Variants in TNC observed in about 807,000 individuals in gnomAD.
TNC encodes the protein tenascin.
A neutral mutation model predicts 202.4 loss-of-function variants in TNC; 109 were observed. The ratio of observed to expected loss-of-function variants is 0.54; its 90% CI spans 0.46 to 0.63. TNC has a LOEUF of 0.63. TNC is among the 30% of genes least tolerant of loss of function. TNC has a pLI of 0.00. For synonymous variants in TNC, 1,007 were observed against 1,089.7 expected (o/e 0.92, Z 1.50); for missense variants, 2,756 against 2,833.3 (o/e 0.97, Z 0.62).
intron 1 of TNC, among the ~76,000 whole-genome samples, chr9:115,100,974 G>A (rs1268381516): frequency 1.3e-5 from 2 of 152,142 alleles, no homozygotes; most frequent in African/African-American, 4.8e-5. Flanking sequence ...GATCTCCAGA[G>A]AGAAATATCA....
chr9:115,098,459 A>ATCAT (rs1239163997), intron 1 of TNC, among the ~76,000 whole-genome samples: 9 of 152,244 alleles, frequency 5.9e-5, no homozygotes, highest in African/African-American at 2.2e-4. Context: ...CAGGACAAAG[A>ATCAT]TCATTGCTAG....
rs1183798456 is a variant in TNC, at chr9:115,086,176, C to T, written c.1555G>A (p.Glu519Lys). 6.2e-7 allele frequency: 1 copy of T among 1,614,008 alleles called. No homozygotes were observed. Among genetic ancestry groups the T allele is most frequent in the South Asian group, 1.1e-5 (1 of 91,094 alleles). The change falls in exon 3 of 28, where the codon GAG becomes AAG. Residue 519 changes from glutamate to lysine, a missense_variant. By Grantham distance (56) the Glu-to-Lys change is moderately conservative. This residue lies in a region of TNC where 2,559 missense variants were observed against 2,546.0 expected (regional missense o/e 1.01). Transcript: ENST00000350763. ...CAGTCAGGGCCGGTGAAGCCGTCCT[C>T]ACAGACGCACTGTCCGTCCACACAG... Reference protein sequence around the residue: ...GLCVDGQCVCEDGFTGPDCAE... With the variant: ...GLCVDGQCVCKDGFTGPDCAE...
At chr9:115,046,759 G>T in intron 16 of TNC, 77 bp from the exon 17 acceptor site, 1 of 1,543,704 alleles carries the variant, frequency 6.5e-7, no homozygotes, top group Non-Finnish European at 8.8e-7. Context: ...CTCTCCAGTA[G>T]GGGTATCAAT....
rs769483276 is a variant in TNC, at chr9:115,090,590, T to A, written c.429A>T (p.Gly143=). 1.1e-5 allele frequency: 18 copies of A among 1,586,964 alleles called. No homozygotes were observed. Among genetic ancestry groups the A allele is most frequent in the Non-Finnish European group, 1.5e-5 (17 of 1,165,362 alleles). Reference sequence around the variant, plus strand: ...TGGCAGGCTGGAGACAGCAGCCTGCTCCTGCAGTACATTGCTCCCTCAGGG... The same window carrying A: ...TGGCAGGCTGGAGACAGCAGCCTGCACCTGCAGTACATTGCTCCCTCAGGG... The part of the protein sequence containing the change: ...VSSLREQCTA[G]AGCCLQPATG... The change falls in exon 2 of 28, where the codon GGA becomes GGT. Residue 143 remains glycine (G), a synonymous_variant. Coordinates refer to ENST00000350763, the MANE Select transcript of TNC (RefSeq NM_002160.4).
At chr9:115,106,926 T>A (rs1836660674) in intron 1 of TNC, among the ~76,000 whole-genome samples, 1 of 152,126 alleles carries the variant, frequency 6.6e-6, no homozygotes, top group Non-Finnish European at 1.5e-5. Context: ...GGCAGGAAAT[T>A]CAAGAAATTA....
intron 26 of TNC, among the ~76,000 whole-genome samples, chr9:115,024,597 C>G (rs1463328238): frequency 6.6e-6 from 1 of 152,156 alleles, no homozygotes; most frequent in East Asian, 1.9e-4. Context: ...CATTCCCTTT[C>G]TATAAAGACC....
Position 115,048,453 on chromosome 9 carries a change from C to G in TNC, c.4659G>C (p.Glu1553Asp). Residue 1553 changes from glutamate to aspartate, a missense_variant, in exon 16 of 28, where the codon GAG (glutamate) becomes GAC (aspartate). By Grantham distance (45) the Glu-to-Asp change is conservative. Coordinates refer to ENST00000350763, the MANE Select transcript of TNC (RefSeq NM_002160.4). ...TTACTAGAAAGCTGTCAAAGGCATT[C>G]TCCGATGCCATCCAGGAAACTGTGA... ...YGFTVSWMAS[E>D]NAFDSFLVTV... 1 of 1,614,016 alleles carries G rather than the reference C, an allele frequency of 6.2e-7. No individual in the cohort carries two copies. The highest frequency in any genetic ancestry group is 1.1e-5 in the South Asian group (1 of 91,074).
intron 20 of TNC, 77 bp downstream of exon 20, chr9:115,038,184 G>C: frequency 1.3e-6 from 2 of 1,543,922 alleles, no homozygotes; most frequent in Admixed American, 3.6e-5. Context: ...AATGTGGCAG[G>C]GAGAAGAGCG....
intron 1 of TNC, among the ~76,000 whole-genome samples, chr9:115,091,759 T>C (rs1277112498): frequency 1.3e-5 from 2 of 152,238 alleles, no homozygotes; most frequent in African/African-American, 4.8e-5. Flanking sequence ...ACAGTTTTAA[T>C]CCCAGCCGAG....
intron 16 of TNC, among the ~76,000 whole-genome samples, chr9:115,047,188 C>CT (rs1831261084): frequency 7.0e-6 from 1 of 142,832 alleles, no homozygotes; most frequent in Non-Finnish European, 1.5e-5. Context: ...ATGTTATGGT[C>CT]TTTTTGCTTT....
At chr9:115,029,607 C>A (rs567322541) in intron 24 of TNC, 151 bp from the exon 25 acceptor site, 8 of 714,358 alleles carry the variant, frequency 1.1e-5, no homozygotes, top group Non-Finnish European at 1.9e-5. Context: ...TGGTCACCTG[C>A]CCCTCCTTAA....
Position 115,026,568 on chromosome 9 carries a change from G to C in TNC, c.6297C>G (p.Tyr2099Ter). The C allele has an allele frequency of 6.2e-7, 1 of 1,614,034 alleles. No individual in the cohort carries two copies. The highest frequency in any genetic ancestry group is 8.5e-7 in the Non-Finnish European group (1 of 1,179,972). ...KFSVGDAKTR[Y>*]KLKVEGYSGT... ...CACTGTACCCCTCCACCTTCAGCTT[G>C]TAGCGAGTCTTGGCATCTCCCACGC... Residue 2099 changes from tyrosine to a stop codon, truncating the protein, a stop_gained, in exon 26 of 28, where the codon TAC (tyrosine) becomes TAG (stop). Transcript: ENST00000350763. LOFTEE classifies it high-confidence loss of function.
rs144265701 is a variant in TNC, at chr9:115,061,830, C to T, written c.4033+1087G>A. The stretch of plus-strand genomic sequence containing the variant: ...GCACAGTTTTTTATAACAGATGGAG[C>T]AGCTCATTTTTGGTGGAAAATTGAG... On this transcript the variant is annotated intron_variant, in intron 13 of 27. Transcript: ENST00000350763. Among the ~76,000 whole-genome samples, 1,296 of 152,224 alleles carry T rather than the reference C, an allele frequency of 8.5e-3. 41 individuals are homozygous for T. Among genetic ancestry groups the T allele is most frequent in the South Asian group, 0.04 (192 of 4,816 alleles).
At chr9:115,069,774 C>CCCTTCCTTCCTT (rs1564467746) in intron 10 of TNC, among the ~76,000 whole-genome samples, 11 of 8,336 alleles carry the variant, frequency 1.3e-3, no homozygotes, top group African/African-American at 4.8e-3. Context: ...CTCCCTCCCT[C>CCCTTCCTTCCTT]CCTTCCTTCC....
chr9:115,048,158 A>C, intron 16 of TNC, 102 bp downstream of exon 16: 1 of 1,380,666 alleles, frequency 7.2e-7, no homozygotes, highest in Non-Finnish European at 9.9e-7. Flanking sequence ...TGGATTAAGT[A>C]GGGAATGTGA....
chr9:115,043,787 C>T (rs1467828553), intron 17 of TNC, among the ~76,000 whole-genome samples: 4 of 152,194 alleles, frequency 2.6e-5, no homozygotes, highest in African/African-American at 7.2e-5. Context: ...AACTCAGGCA[C>T]TGAGGACTTC....
Position 115,086,471 on chromosome 9 carries a change from A to G in TNC, c.1260T>C (p.Asn420=). The change falls in exon 3 of 28, where the codon AAT becomes AAC. Residue 420 remains asparagine, a synonymous_variant. Coordinates refer to ENST00000350763, the MANE Select transcript of TNC (RefSeq NM_002160.4). Reference sequence around the variant, plus strand: ...AGCCCTCATCACACACACACTGCCCATTGACACAGCGGCCATGGCCACTGC... The same window carrying G: ...AGCCCTCATCACACACACACTGCCCGTTGACACAGCGGCCATGGCCACTGC... ...NGCSGHGRCV[N]GQCVCDEGYT... is the part of the protein sequence containing the mutation. The G allele has an allele frequency of 1.2e-6, 2 of 1,612,492 alleles. No homozygotes were observed.
intron 1 of TNC, among the ~76,000 whole-genome samples, chr9:115,093,412 G>A (rs1470234565): frequency 6.6e-6 from 1 of 152,158 alleles, no homozygotes; most frequent in Non-Finnish European, 1.5e-5. Context: ...CTAACAATGT[G>A]TGGGTCTGTA....
At chr9:115,046,971 C>T (rs780378256) in intron 16 of TNC, among the ~76,000 whole-genome samples, 3 of 152,156 alleles carry the variant, frequency 2.0e-5, no homozygotes, top group South Asian at 2.1e-4. Flanking sequence ...AGCATTGGCC[C>T]GTCCCACATA....
Sources: gnomAD v4.1 joint callset for allele counts (sites outside exome capture counted in the v4.1 genomes callset) on GRCh38, gnomAD v4.1.1 for gene constraint, gnomAD v4.1.1 regional missense constraint, MANE v1.5 for transcripts, NCBI Gene and HGNC (gene_info 2026-07-23, HGNC 2026-07-21) for gene names.